Variants in RBPJ observed in about 807,000 individuals in gnomAD.
The protein encoded by RBPJ is recombination signal binding protein for immunoglobulin kappa J region.
A neutral mutation model predicts 67.8 loss-of-function variants in RBPJ; 9 were observed. The observed-to-expected ratio is 0.13, with a 90% CI of 0.08 to 0.23. RBPJ has a LOEUF of 0.23. Among genes scored for constraint, RBPJ ranks in the 10% least tolerant of loss-of-function variants. The pLI, the probability that RBPJ is intolerant of heterozygous loss-of-function variation, is 1.00. For missense variants in RBPJ, 305 were observed against 595.6 expected, an observed-to-expected ratio of 0.51 and a Z score of 5.08; for synonymous variants, 198 against 203.3, an observed-to-expected ratio of 0.97 and a Z score of 0.22.
At chr4:26,211,365 G>A (rs746410902) in intron 1 of RBPJ, among the ~76,000 whole-genome samples, 22 of 152,158 alleles carry the variant, frequency 1.4e-4, no homozygotes, top group Non-Finnish European at 2.6e-4. Flanking sequence ...GAATTGGAAA[G>A]TATTAGAGAG....
chr4:26,268,427 AT>A (rs1013677951), intron 1 of RBPJ, among the ~76,000 whole-genome samples: 2 of 152,180 alleles, frequency 1.3e-5, no homozygotes, highest in African/African-American at 4.8e-5. Flanking sequence ...AAATGATGTC[AT>A]TCTCTTTGGT....
upstream of RBPJ, chr4:26,319,667 A>G: frequency 1.5e-6 from 1 of 647,680 alleles, no homozygotes. Context: ...CGAGTAGTGG[A>G]AGGCGGTGGG....
chr4:26,411,965 A>T (rs79310229), intron 3 of RBPJ, among the ~76,000 whole-genome samples: 1 of 150,908 alleles, frequency 6.6e-6, no homozygotes, highest in Admixed American at 6.6e-5. Flanking sequence ...AAAAAAAAAA[A>T]TTAGCCAGGC....
upstream of RBPJ, chr4:26,320,688 G>A: frequency 1.3e-6 from 2 of 1,508,230 alleles, no homozygotes; most frequent in Non-Finnish European, 1.8e-6. Context: ...AATCCCCTCC[G>A]GTTTTCCTCA....
intron 1 of RBPJ, among the ~76,000 whole-genome samples, chr4:26,372,441 C>T (rs1577548343): frequency 1.3e-5 from 2 of 152,154 alleles, no homozygotes; most frequent in South Asian, 2.1e-4. Flanking sequence ...AGCAATTTGA[C>T]GTAGGGCGAT....
At chr4:26,282,424 C>T (rs1280321861) in intron 1 of RBPJ, among the ~76,000 whole-genome samples, 1 of 151,794 alleles carries the variant, frequency 6.6e-6, no homozygotes, top group South Asian at 2.1e-4. Flanking sequence ...ACTGGTGCAC[C>T]CACATAACAG....
In RBPJ at chr4:26,305,771, C is replaced by CTTTTTTT. The variant is rs71276617; in HGVS notation, c.-166-56658_-166-56652dup. ...AGTGGAGTTCTTAGAATTTTCTTTT[C>CTTTTTTT]TTTTTTTTTTTTTTTTTTTTTTTCT... On this transcript the variant is annotated intron_variant, in intron 1 of 4. Coordinates refer to the RBPJ transcript ENST00000512351. Among the ~76,000 whole-genome samples the CTTTTTTT allele has an allele frequency of 3.1e-3, 213 of 67,778 alleles. 4 individuals are homozygous for CTTTTTTT. Among genetic ancestry groups the CTTTTTTT allele is most frequent in the South Asian group, 7.8e-3 (14 of 1,806 alleles). 44.5% of individuals were successfully genotyped at this position (67,778 alleles called of 152,430 possible).
chr4:26,326,560 A>G (rs751284885), intron 1 of RBPJ, among the ~76,000 whole-genome samples: 5 of 152,222 alleles, frequency 3.3e-5, no homozygotes, highest in Non-Finnish European at 5.9e-5. Flanking sequence ...GATAATTTAC[A>G]TGGAGACTCA....
intron 1 of RBPJ, among the ~76,000 whole-genome samples, chr4:26,370,305 T>A (rs772749781): frequency 6.6e-6 from 1 of 152,220 alleles, no homozygotes; most frequent in Non-Finnish European, 1.5e-5. Flanking sequence ...TTCTTTTCAA[T>A]CTGAAATTCT....
intron 1 of RBPJ, among the ~76,000 whole-genome samples, chr4:26,313,976 A>T (rs1359300959): frequency 6.6e-6 from 1 of 152,164 alleles, no homozygotes; most frequent in African/African-American, 2.4e-5. Flanking sequence ...GGAAATATAT[A>T]TACATAGTAC....
chr4:26,185,832 G>A (rs1050314956), intron 1 of RBPJ, among the ~76,000 whole-genome samples: 5 of 152,192 alleles, frequency 3.3e-5, no homozygotes, highest in African/African-American at 7.2e-5. Flanking sequence ...GGCCGAGGCC[G>A]GTGGATCACC....
At chr4:26,320,791 C>T (rs1420223590), upstream of RBPJ, 2 of 1,555,848 alleles carry the variant, frequency 1.3e-6, no homozygotes, top group East Asian at 2.4e-5. Context: ...GCGGAGGAGC[C>T]GCCTGCGCAT....
chr4:26,360,906 G>C (rs1041850107), intron 1 of RBPJ, among the ~76,000 whole-genome samples: 1 of 150,930 alleles, frequency 6.6e-6, no homozygotes, highest in African/African-American at 2.4e-5. Context: ...CACCGCTCCC[G>C]GCCTCATAGG....
At chr4:26,244,233 GTGTC>G (rs1377976525) in intron 1 of RBPJ, among the ~76,000 whole-genome samples, 9 of 107,340 alleles carry the variant, frequency 8.4e-5, no homozygotes, top group Admixed American at 3.0e-4. Flanking sequence ...ACACATATAT[GTGTC>G]TATATATGTG....
chr4:26,157,078 AAAAC>A, the RBPJ span, among the ~76,000 whole-genome samples: 1 of 49,796 alleles, frequency 2.0e-5, no homozygotes, highest in African/African-American at 4.9e-5. Flanking sequence ...CCCTGTGTCA[AAAAC>A]AAACAAACAA....
At chr4:26,125,484 A>G in the RBPJ span, among the ~76,000 whole-genome samples, 2 of 152,202 alleles carry the variant, frequency 1.3e-5, no homozygotes, top group African/African-American at 2.4e-5. Flanking sequence ...AGCCAAAAAG[A>G]TATCTGGAAC....
intron 8 of RBPJ, among the ~76,000 whole-genome samples, chr4:26,429,197 A>G (rs1442849797): frequency 6.6e-6 from 1 of 152,246 alleles, no homozygotes; most frequent in East Asian, 1.9e-4. Context: ...CAAACATTGT[A>G]TAGACAAAGC....
the RBPJ span, among the ~76,000 whole-genome samples, chr4:26,137,378 A>G: frequency 6.6e-6 from 1 of 152,148 alleles, no homozygotes; most frequent in Non-Finnish European, 1.5e-5. Flanking sequence ...TGGTTTCTGA[A>G]CTGTCCGTGT....
chr4:26,364,668 T>C (rs773383159), intron 1 of RBPJ, among the ~76,000 whole-genome samples: 1 of 149,016 alleles, frequency 6.7e-6, no homozygotes. Context: ...GCTCTGTTGC[T>C]CAGGCTGGAG....
Sources: allele counts gnomAD v4.1 joint callset (sites outside exome capture counted in the v4.1 genomes callset), GRCh38; gene constraint gnomAD v4.1.1; transcripts MANE v1.5; gene names NCBI Gene and HGNC (gene_info 2026-07-23, HGNC 2026-07-21).